EEF1D: variants seen among roughly 807,000 people sequenced by gnomAD.
EEF1D encodes eukaryotic translation elongation factor 1 delta.
A neutral mutation model predicts 63.9 loss-of-function variants in EEF1D; 47 were observed. The observed-to-expected ratio is 0.74, with a 90% CI of 0.58 to 0.94. The LOEUF (loss-of-function observed/expected upper bound fraction) is 0.94. Among genes scored for constraint, EEF1D ranks in the 40% least tolerant of loss-of-function variants. The pLI is 0.00. For synonymous variants in EEF1D, 412 were observed against 386.1 expected (o/e 1.07, Z -0.79); for missense variants, 907 against 899.0 (o/e 1.01, Z -0.11).
chr8:143,579,954 G>A (rs929122214), intron 9 of EEF1D, 58 bp downstream of exon 9: 55 of 1,579,610 alleles, frequency 3.5e-5, no homozygotes, highest in Non-Finnish European at 4.5e-5. Context: ...TGGAGTGCAG[G>A]GTATGGGCCA....
rs200304612 is a variant in EEF1D at position 143,581,213 on chromosome 8, T to C, written c.1387+16A>G. Reference sequence around the variant, plus strand: ...GGGGCCAGGGACAGCCCCAACCCACTGGCCCGGGGCCTCACCGCCACGCAG... The same window carrying C: ...GGGGCCAGGGACAGCCCCAACCCACCGGCCCGGGGCCTCACCGCCACGCAG... On this transcript the variant is annotated intron_variant, in intron 6 of 9. Coordinates refer to ENST00000618139, the MANE Select transcript of EEF1D (RefSeq NM_001130053.5). The C allele has an allele frequency of 3.1e-6, 5 of 1,612,664 alleles. No homozygotes were observed. The highest frequency in any genetic ancestry group is 1.1e-5 in the South Asian group (1 of 91,082).
intron 5 of EEF1D, chr8:143,583,800 T>G (rs928483263): frequency 2.0e-5 from 3 of 152,242 alleles, no homozygotes; most frequent in African/African-American, 7.2e-5. Context: ...TCTGTAGATG[T>G]GATAAGATTA....
chr8:143,585,969 C>T, intron 5 of EEF1D: 3 of 465,462 alleles, frequency 6.4e-6, no homozygotes, highest in Non-Finnish European at 7.7e-6. Context: ...TCCCAGCCGG[C>T]CCCACAGGAG....
At chr8:143,586,560 G>C (rs1022957276) in intron 4 of EEF1D, among the ~76,000 whole-genome samples, 169 bp downstream of exon 4, 3 of 152,024 alleles carry the variant, frequency 2.0e-5, no homozygotes, top group Admixed American at 2.0e-4. Context: ...GACCCGGCCC[G>C]GGGGCCCGGC....
chr8:143,589,614 GCAGGCCAC>G lies in EEF1D; in HGVS notation c.460_467del (p.Val154ProfsTer18). ...CCCAGATCCCCCAGGTCACGTGGTG[GCAGGCCAC>G]CTGGTTTCCATGGGTGCAGAGACCC... On this transcript the variant is annotated frameshift_variant, in exon 3 of 10. Coordinates refer to ENST00000618139, the MANE Select transcript of EEF1D (RefSeq NM_001130053.5). LOFTEE classifies it high-confidence loss of function. The G allele has an allele frequency of 6.5e-7, 1 of 1,532,302 alleles. No homozygotes were observed. The highest frequency in any genetic ancestry group is 8.8e-7 in the Non-Finnish European group (1 of 1,138,612). The allele number at this position is 1,532,302 out of a possible 1,614,324, so 94.9% of individuals were successfully genotyped here.
Position 143,581,377 on chromosome 8 carries a change from G to A in EEF1D, c.1288-49C>T, listed in dbSNP as rs572304185. The A allele has an allele frequency of 2.6e-6, 4 of 1,544,932 alleles. No individual in the cohort carries two copies. In the Admixed American group the frequency reaches 7.2e-5, roughly 28 times the overall value. On this transcript the variant is annotated intron_variant, in intron 5 of 9. Coordinates refer to ENST00000618139, the MANE Select transcript of EEF1D (RefSeq NM_001130053.5). ...GCTCAGTGCCCAGCCTGCTCCTAGG[G>A]TCCCCCTGCCATGCTCAGGACTGCA...
chr8:143,588,579 A>C (rs1463171416), intron 3 of EEF1D, among the ~76,000 whole-genome samples: 1 of 152,168 alleles, frequency 6.6e-6, no homozygotes, highest in Non-Finnish European at 1.5e-5. Flanking sequence ...ACTGGCTCCC[A>C]CATCTCATCG....
chr8:143,595,171 G>A (rs1050999312), intron 1 of EEF1D, among the ~76,000 whole-genome samples: 5 of 152,184 alleles, frequency 3.3e-5, no homozygotes, highest in African/African-American at 2.4e-5. Flanking sequence ...CCGGGTCCAA[G>A]CAATTCTCCT....
Position 143,586,707 on chromosome 8 carries a change from C to A in EEF1D, c.1215+22G>T, listed in dbSNP as rs748544714. On this transcript the variant is annotated intron_variant, in intron 4 of 9. Transcript: ENST00000618139. ...CCTGTCGGGCAGCAGAGCCGCCCAG[C>A]CGCCCCACGTGCAGCTCTCACCTGG... 23 of 1,608,964 alleles carry A rather than the reference C, an allele frequency of 1.4e-5. No homozygotes were observed. In the East Asian group the frequency reaches 4.7e-4, roughly 33 times the overall value.
At chr8:143,586,450 G>A (rs1460254292) in intron 4 of EEF1D, among the ~76,000 whole-genome samples, 160 bp from the exon 5 acceptor site, 6 of 152,260 alleles carry the variant, frequency 3.9e-5, no homozygotes, top group Admixed American at 1.3e-4. Flanking sequence ...AGATGCCTGA[G>A]GCTGTGACGA....
In EEF1D at chr8:143,589,383, C is replaced by T; in HGVS notation, c.699G>A (p.Trp233Ter). The change falls in exon 3 of 10, where the codon TGG (tryptophan) becomes TGA (stop). Residue 233 changes from tryptophan to a stop codon, truncating the protein, a stop_gained. Transcript: ENST00000618139. LOFTEE classifies it high-confidence loss of function. ...CTGCATCATACCGGGGCTTCTCCAG[C>T]CACACCTCCCGAACCAGTGCCTGCA... ...GSLQALVREV[W>*]LEKPRYDAAE... 2 of 1,547,492 alleles carry T rather than the reference C, an allele frequency of 1.3e-6. No homozygotes were observed. The highest frequency in any genetic ancestry group is 1.2e-5 in the South Asian group (1 of 83,778).
chr8:143,588,837 G>T, intron 3 of EEF1D, 154 bp downstream of exon 3: 1 of 1,026,122 alleles, frequency 9.7e-7, no homozygotes, highest in Non-Finnish European at 1.4e-6. Flanking sequence ...CCTTTACTCA[G>T]CCTGCTCCTG....
At chr8:143,579,926 C>T (rs985498152) in intron 9 of EEF1D, 86 bp downstream of exon 9, 1 of 1,552,176 alleles carries the variant, frequency 6.4e-7, no homozygotes, top group Non-Finnish European at 8.7e-7. Flanking sequence ...CTGGGACTCG[C>T]TCCCCACTGC....
rs1260765444 is a variant in EEF1D at position 143,589,353 on chromosome 8, C to T, written c.729G>A (p.Glu243=). The change falls in exon 3 of 10, where the codon GAG becomes GAA. Residue 243 remains glutamate, a synonymous_variant. Transcript: ENST00000618139. ...CAAACAGGGCCTCGTAGAAGCCCCT[C>T]TCGGCTGCATCATACCGGGGCTTCT... ...WLEKPRYDAA[E]RGFYEALFDG... 6.3e-7 allele frequency: 1 copy of T among 1,575,776 alleles called. No individual in the cohort carries two copies.
intron 3 of EEF1D, chr8:143,588,732 T>G (rs923545287): frequency 1.9e-6 from 1 of 517,838 alleles, no homozygotes; most frequent in Non-Finnish European, 3.4e-6. Flanking sequence ...AGGCAGAGAT[T>G]CTGCCCTGTG....
At chr8:143,592,946 G>A (rs1027792872) in intron 1 of EEF1D, 1 of 152,982 alleles carries the variant, frequency 6.5e-6, no homozygotes, top group Non-Finnish European at 1.5e-5. Flanking sequence ...GCAGGCCCTG[G>A]GGGACAAGCA....
In EEF1D at chr8:143,590,068, T is replaced by C; in HGVS notation, c.14A>G (p.Lys5Arg). Residue 5 changes from lysine (K) to arginine (R), a missense_variant, in exon 3 of 10, where the codon AAG (lysine) becomes AGG (arginine). Physicochemically the swap from Lys to Arg is conservative, Grantham distance 26 (BLOSUM62 2). Coordinates refer to ENST00000618139, the MANE Select transcript of EEF1D (RefSeq NM_001130053.5). ...CACGGTCTCCAGGGTGCAGGAGGCC[T>C]TCCCGCTCCTCATCTTCCGGACACA... Reference protein sequence around the residue: MRSGKASCTLETVWE... With the variant: MRSGRASCTLETVWE... 1 of 1,598,600 alleles carries C rather than the reference T, an allele frequency of 6.3e-7. No homozygotes were observed. The highest frequency in any genetic ancestry group is 8.5e-7 in the Non-Finnish European group (1 of 1,179,846).
At chr8:143,595,772 G>A (rs560459754) in intron 1 of EEF1D, among the ~76,000 whole-genome samples, 30 of 151,964 alleles carry the variant, frequency 2.0e-4, no homozygotes, top group African/African-American at 6.5e-4. Flanking sequence ...CGCAGCCCCT[G>A]TGCCTCCTGG....
At chr8:143,586,384 A>G in intron 4 of EEF1D, 94 bp from the exon 5 acceptor site, 1 of 1,169,434 alleles carries the variant, frequency 8.6e-7, no homozygotes, top group Non-Finnish European at 1.2e-6. Context: ...ACCCTCACAT[A>G]GAGACAGCAA....
Sources: gnomAD v4.1 joint callset for allele counts (sites outside exome capture counted in the v4.1 genomes callset) on GRCh38, gnomAD v4.1.1 for gene constraint, MANE v1.5 for transcripts, NCBI Gene and HGNC (gene_info 2026-07-23, HGNC 2026-07-21) for gene names.